Variants in LHFPL3 observed in about 807,000 individuals in gnomAD.
LHFPL3 encodes LHFPL tetraspan subfamily member 3 protein.
In LHFPL3, 5 loss-of-function variants were observed where a neutral mutation model predicts 19.3. The observed-to-expected ratio is 0.26, with a 90% CI of 0.14 to 0.54. The LOEUF (loss-of-function observed/expected upper bound fraction) is 0.54. LHFPL3 is among the 20% of genes least tolerant of loss of function. The probability of loss-of-function intolerance (pLI) is 0.94; values close to 1 mark genes in which losing one functional copy is unlikely to be tolerated. For synonymous variants in LHFPL3, 133 were observed against 126.2 expected, an observed-to-expected ratio of 1.05 and a Z score of -0.36; for missense variants, 249 against 307.4, an observed-to-expected ratio of 0.81 and a Z score of 1.42.
chr7:104,530,528 A>G (rs1309079385), intron 1 of LHFPL3, among the ~76,000 whole-genome samples: 1 of 152,224 alleles, frequency 6.6e-6, no homozygotes, highest in Non-Finnish European at 1.5e-5. Flanking sequence ...TGCCTGTTGT[A>G]AACACATTTA....
At chr7:104,383,864 C>A (rs1790881852) in intron 1 of LHFPL3, among the ~76,000 whole-genome samples, 1 of 152,100 alleles carries the variant, frequency 6.6e-6, no homozygotes, top group Admixed American at 6.6e-5. Flanking sequence ...GTCAATGGAG[C>A]TTGCTTCTTA....
At chr7:104,759,550 CA>C (rs1460467889) in intron 2 of LHFPL3, among the ~76,000 whole-genome samples, 5 of 152,088 alleles carry the variant, frequency 3.3e-5, no homozygotes, top group African/African-American at 1.2e-4. Flanking sequence ...GCCACATTTC[CA>C]GTGCTCAATG....
In LHFPL3 at chr7:104,890,184, GT is replaced by G. The variant is rs1394715119; in HGVS notation, c.683-16002del. 5.3e-5 allele frequency among the ~76,000 whole-genome samples: 8 copies of G among 152,104 alleles called. 1 individual carries two copies. The highest frequency in any genetic ancestry group is 1.2e-4 in the Non-Finnish European group (8 of 68,030). On this transcript the variant is annotated intron_variant, in intron 2 of 2. Transcript: ENST00000424859. ...CCAGGCTTCATGGCACTCACTTATAGTCTAGCTACTCAAGAGCCTGAGTTGG... is the reference window on the plus strand; with the variant it reads ...CCAGGCTTCATGGCACTCACTTATAGCTAGCTACTCAAGAGCCTGAGTTGG...
rs534663100 is a variant in LHFPL3 at position 104,494,065 on chromosome 7, G to A, written c.445+164841G>A. On this transcript the variant is annotated intron_variant, in intron 1 of 2. Coordinates refer to ENST00000424859, the MANE Select transcript of LHFPL3 (RefSeq NM_199000.3). ...TGTTATGACTAGAAAATTTAAAACT[G>A]CATATATGGCTTTAAATATATTTCC... Among the ~76,000 whole-genome samples the A allele has an allele frequency of 7.2e-5, 11 of 152,152 alleles. No homozygotes were observed. The South Asian group carries it at 2.3e-3, about 32-fold the overall frequency.
chr7:104,702,573 TA>T (rs2116180114), intron 1 of LHFPL3, among the ~76,000 whole-genome samples: 1 of 152,338 alleles, frequency 6.6e-6, no homozygotes, highest in South Asian at 2.1e-4. Context: ...TCTCTTAAAT[TA>T]AAGGCCAGTG....
chr7:104,494,571 C>T (rs534401537), intron 1 of LHFPL3, among the ~76,000 whole-genome samples: 1 of 152,158 alleles, frequency 6.6e-6, no homozygotes. Flanking sequence ...GCCCCCAAAA[C>T]GTCAGCACTC....
At chr7:104,420,538 G>A (rs1396943675) in intron 1 of LHFPL3, among the ~76,000 whole-genome samples, 1 of 150,848 alleles carries the variant, frequency 6.6e-6, no homozygotes, top group African/African-American at 2.4e-5. Context: ...GTTACTGGTG[G>A]CCTCCCAAAG....
At chr7:104,830,365 G>A (rs1790927328) in intron 2 of LHFPL3, among the ~76,000 whole-genome samples, 1 of 151,748 alleles carries the variant, frequency 6.6e-6, no homozygotes, top group African/African-American at 2.4e-5. Flanking sequence ...TTTGGCTTTT[G>A]TTGCCATTGC....
chr7:104,602,312 C>T (rs118184573), intron 1 of LHFPL3, among the ~76,000 whole-genome samples: 3,649 of 152,170 alleles, frequency 0.024, 90 homozygotes, highest in Non-Finnish European at 0.039. Flanking sequence ...TGAGCCGCTG[C>T]GCCCAGCCAG....
At chr7:104,419,109 G>A (rs982872664) in intron 1 of LHFPL3, among the ~76,000 whole-genome samples, 18 of 152,180 alleles carry the variant, frequency 1.2e-4, no homozygotes, top group African/African-American at 4.1e-4. Context: ...AAAACCAGCA[G>A]ATCTAATTTG....
chr7:104,513,178 A>G (rs1357923595), intron 1 of LHFPL3, among the ~76,000 whole-genome samples: 1 of 152,208 alleles, frequency 6.6e-6, no homozygotes, highest in Non-Finnish European at 1.5e-5. Context: ...TTTTCAATGT[A>G]TATTACAGTT....
intron 1 of LHFPL3, among the ~76,000 whole-genome samples, chr7:104,531,182 T>C (rs2115844295): frequency 6.6e-6 from 1 of 152,236 alleles, no homozygotes; most frequent in Non-Finnish European, 1.5e-5. Flanking sequence ...TTGATTTTAT[T>C]TCTATCAACA....
In LHFPL3 at chr7:104,506,817, G is replaced by C. The variant is rs978812533; in HGVS notation, c.445+177593G>C. 1.6e-4 allele frequency among the ~76,000 whole-genome samples: 25 copies of C among 152,166 alleles called. 1 individual carries two copies. The highest frequency in any genetic ancestry group is 6.0e-4 in the African/African-American group (25 of 41,428). The stretch of plus-strand genomic sequence containing the variant: ...ATATTTGGATTTAATTTAAAGAAAA[G>C]GGTATGGGAGTAACTAGTGATCTTT... On this transcript the variant is annotated intron_variant, in intron 1 of 2. Coordinates refer to ENST00000424859, the MANE Select transcript of LHFPL3 (RefSeq NM_199000.3).
intron 1 of LHFPL3, among the ~76,000 whole-genome samples, chr7:104,420,577 T>TTTTTTTTTTTA: frequency 6.8e-6 from 1 of 146,410 alleles, no homozygotes; most frequent in East Asian, 2.1e-4. Flanking sequence ...TTTTTTTTTT[T>TTTTTTTTTTTA]GAGACGGAGT....
chr7:104,445,549 C>T (rs1188749058), intron 1 of LHFPL3, among the ~76,000 whole-genome samples: 1 of 152,192 alleles, frequency 6.6e-6, no homozygotes, highest in African/African-American at 2.4e-5. Context: ...TTCTCACAGA[C>T]TTGAGAAATG....
intron 2 of LHFPL3, among the ~76,000 whole-genome samples, chr7:104,863,877 C>G (rs570649000): frequency 6.6e-6 from 1 of 152,340 alleles, no homozygotes; most frequent in Admixed American, 6.5e-5. Context: ...CAGTTGTTCA[C>G]AGTAGGCTAA....
At chr7:104,837,119 G>T (rs969931026) in intron 2 of LHFPL3, among the ~76,000 whole-genome samples, 1 of 152,142 alleles carries the variant, frequency 6.6e-6, no homozygotes, top group Admixed American at 6.5e-5. Context: ...TTAAAGTTTG[G>T]CAAGGTACTT....
At chr7:104,617,632 A>G (rs1019881390) in intron 1 of LHFPL3, among the ~76,000 whole-genome samples, 22 of 152,360 alleles carry the variant, frequency 1.4e-4, no homozygotes, top group Admixed American at 1.4e-3. Context: ...CTGGGTCACA[A>G]AGACACATAG....
intron 2 of LHFPL3, among the ~76,000 whole-genome samples, chr7:104,874,990 G>T: frequency 6.6e-6 from 1 of 151,580 alleles, no homozygotes; most frequent in East Asian, 2.0e-4. Flanking sequence ...AGGACTACAG[G>T]TGTACACTGC....
Sources: gnomAD v4.1 joint callset for allele counts (sites outside exome capture counted in the v4.1 genomes callset) on GRCh38, gnomAD v4.1.1 for gene constraint, MANE v1.5 for transcripts, NCBI Gene and HGNC (gene_info 2026-07-23, HGNC 2026-07-21) for gene names.